The following WWOX variants were observed in gnomAD, a reference collection of about 807,000 sequenced individuals.
The protein encoded by WWOX is WW domain-containing oxidoreductase.
A neutral mutation model predicts 46.2 loss-of-function variants in WWOX; 69 were observed. That is an observed-to-expected ratio of 1.49 (90% CI 1.23 to 1.82). The LOEUF is 1.82. Ranked by LOEUF, WWOX falls within the 40% of genes most tolerant of loss-of-function variation. The pLI, the probability that WWOX is intolerant of heterozygous loss-of-function variation, is 0.00. For missense variants in WWOX, 919 were observed against 542.6 expected (o/e 1.69, Z -6.89); for synonymous variants, 359 against 202.6 (o/e 1.77, Z -6.56).
intron 6 of WWOX, among the ~76,000 whole-genome samples, chr16:78,419,675 C>G (rs2082878617): frequency 7.5e-6 from 1 of 132,720 alleles, no homozygotes; most frequent in Non-Finnish European, 1.6e-5. Context: ...AATGTAAGAG[C>G]TAAAACTATA....
At chr16:78,984,995 A>T (rs1285720978) in intron 8 of WWOX, among the ~76,000 whole-genome samples, 1 of 152,150 alleles carries the variant, frequency 6.6e-6, no homozygotes, top group Non-Finnish European at 1.5e-5. Flanking sequence ...GAAAAAAAAA[A>T]TATTGGATCC....
chr16:79,105,674 T>C (rs972249422), intron 8 of WWOX, among the ~76,000 whole-genome samples: 1 of 151,374 alleles, frequency 6.6e-6, no homozygotes, highest in Non-Finnish European at 1.5e-5. Context: ...TTTTTTTTTT[T>C]GTTTGCGAGA....
At chr16:78,844,440 A>G (rs1167919949) in intron 8 of WWOX, among the ~76,000 whole-genome samples, 1 of 152,156 alleles carries the variant, frequency 6.6e-6, no homozygotes, top group African/African-American at 2.4e-5. Context: ...GGGCAGTCTC[A>G]CTGAAGATAA....
intron 5 of WWOX, among the ~76,000 whole-genome samples, chr16:78,368,538 A>G (rs1477249561): frequency 2.6e-5 from 4 of 152,196 alleles, no homozygotes; most frequent in Non-Finnish European, 5.9e-5. Context: ...CATAGAGAAC[A>G]TCTATATCCT....
intron 8 of WWOX, among the ~76,000 whole-genome samples, chr16:78,439,906 A>C (rs1293609636): frequency 6.6e-6 from 1 of 152,186 alleles, no homozygotes; most frequent in Non-Finnish European, 1.5e-5. Flanking sequence ...GATGGGAGGG[A>C]TGAGGCTCCT....
At chr16:78,362,919 C>G (rs144253538) in intron 5 of WWOX, among the ~76,000 whole-genome samples, 2 of 152,262 alleles carry the variant, frequency 1.3e-5, no homozygotes, top group Non-Finnish European at 2.9e-5. Flanking sequence ...GAATGTTATC[C>G]TGCTCAGATG....
At position 78,432,503 on chromosome 16, in the gene WWOX, C is replaced by G. The variant is rs62034095; in HGVS notation, c.807C>G (p.Asn269Lys). 1.2e-6 allele frequency: 2 copies of G among 1,613,990 alleles called. No homozygotes were observed. Among genetic ancestry groups the G allele is most frequent in the Non-Finnish European group, 1.7e-6 (2 of 1,180,028 alleles). Reference sequence around the variant, plus strand: ...TATTTTTAAGATTTACAGATATTAACGACTCCTTGGGAAAACTGGACTTCA... The same window carrying G: ...TATTTTTAAGATTTACAGATATTAAGGACTCCTTGGGAAAACTGGACTTCA... ...SSESHRFTDI[N>K]DSLGKLDFSR... The change falls in exon 8 of 9, where the codon AAC becomes AAG. Residue 269 changes from asparagine (N) to lysine (K), a missense_variant. Physicochemically the swap from Asn to Lys is moderately conservative, Grantham distance 94 (BLOSUM62 0). Transcript: ENST00000566780.
intron 1 of WWOX, among the ~76,000 whole-genome samples, chr16:78,102,423 C>A (rs1301011212): frequency 6.6e-6 from 1 of 152,176 alleles, no homozygotes; most frequent in Non-Finnish European, 1.5e-5. Context: ...GTTGGCAGAG[C>A]CAGAGAGTGG....
At chr16:78,565,109 T>C (rs2044533235) in intron 8 of WWOX, among the ~76,000 whole-genome samples, 1 of 152,246 alleles carries the variant, frequency 6.6e-6, no homozygotes, top group Admixed American at 6.5e-5. Context: ...CATTCATTCA[T>C]CAGAGCAGCA....
At chr16:79,174,629 C>G (rs1019874325) in intron 8 of WWOX, among the ~76,000 whole-genome samples, 2 of 152,192 alleles carry the variant, frequency 1.3e-5, no homozygotes, top group South Asian at 2.1e-4. Flanking sequence ...GCCTGGGCAA[C>G]AAGAGTGAAA....
chr16:78,869,105 A>C (rs1231360333), intron 8 of WWOX, among the ~76,000 whole-genome samples: 1 of 152,208 alleles, frequency 6.6e-6, no homozygotes, highest in Non-Finnish European at 1.5e-5. Flanking sequence ...TGATTACATT[A>C]GTTTAGAATG....
At chr16:78,769,725 G>T (rs991099817) in intron 8 of WWOX, among the ~76,000 whole-genome samples, 1 of 151,402 alleles carries the variant, frequency 6.6e-6, no homozygotes, top group Admixed American at 6.6e-5. Context: ...GAATCAGGCC[G>T]AGCACAGTGA....
At chr16:78,174,036 C>T (rs1478376622) in intron 5 of WWOX, among the ~76,000 whole-genome samples, 1 of 152,164 alleles carries the variant, frequency 6.6e-6, no homozygotes, top group Non-Finnish European at 1.5e-5. Flanking sequence ...ATTCCACTCT[C>T]ATCTAATCAC....
intron 8 of WWOX, among the ~76,000 whole-genome samples, chr16:78,754,746 C>A (rs1217009164): frequency 6.6e-6 from 1 of 152,112 alleles, no homozygotes; most frequent in African/African-American, 2.4e-5. Context: ...GATTTCTTCT[C>A]CATCACCAGA....
At chr16:78,885,996 C>T (rs191521611) in intron 8 of WWOX, among the ~76,000 whole-genome samples, 16 of 146,164 alleles carry the variant, frequency 1.1e-4, no homozygotes, top group Admixed American at 7.2e-4. Context: ...ACCATCTTGG[C>T]TTGCTGCAAC....
In WWOX at chr16:78,590,387, G is replaced by C. The variant is rs191738761; in HGVS notation, c.1056+157635G>C. Among the ~76,000 whole-genome samples the C allele has an allele frequency of 4.7e-4, 71 of 152,272 alleles. 1 individual carries two copies. Among genetic ancestry groups the C allele is most frequent in the African/African-American group, 1.7e-3 (69 of 41,552 alleles). ...AAGTGTTATAGTATTAAGGAAGACA[G>C]ATCCAAGATGGTGGCAATGGTCAAG... On this transcript the variant is annotated intron_variant, in intron 8 of 8. Coordinates refer to ENST00000566780, the MANE Select transcript of WWOX (RefSeq NM_016373.4).
At chr16:78,604,141 A>AAAAT (rs966588869) in intron 8 of WWOX, among the ~76,000 whole-genome samples, 9 of 152,248 alleles carry the variant, frequency 5.9e-5, no homozygotes, top group African/African-American at 2.2e-4. Context: ...CCTTGTCTAA[A>AAAAT]AAATAAATAA....
intron 1 of WWOX, among the ~76,000 whole-genome samples, chr16:78,106,868 C>T (rs1597205343): frequency 6.6e-6 from 1 of 152,294 alleles, no homozygotes; most frequent in East Asian, 1.9e-4. Flanking sequence ...TTCAGCAGCT[C>T]TGTGAGGTGG....
chr16:78,158,566 C>T (rs2151729248), intron 4 of WWOX, among the ~76,000 whole-genome samples: 1 of 147,758 alleles, frequency 6.8e-6, no homozygotes, highest in Admixed American at 6.9e-5. Flanking sequence ...TTTTCCATTT[C>T]TTCTTGTGGC....
Sources: gnomAD v4.1 joint callset for allele counts (sites outside exome capture counted in the v4.1 genomes callset) on GRCh38, gnomAD v4.1.1 for gene constraint, MANE v1.5 for transcripts, NCBI Gene and HGNC (gene_info 2026-07-23, HGNC 2026-07-21) for gene names.